Variants in EYS observed in about 807,000 individuals in gnomAD.
EYS encodes the protein protein eyes shut homolog.
EYS carries 250 observed loss-of-function variants against 282.1 expected under a neutral mutation model. The ratio of observed to expected loss-of-function variants is 0.89; its 90% CI spans 0.80 to 0.98. The LOEUF (loss-of-function observed/expected upper bound fraction) is 0.98, where lower values mean the gene tolerates loss of function less well. EYS is among the 50% of genes least tolerant of loss of function. The pLI is 0.00. For synonymous variants in EYS, 1,355 were observed against 1,282.9 expected, an observed-to-expected ratio of 1.06 and a Z score of -1.20; for missense variants, 4,016 against 3,709.0, an observed-to-expected ratio of 1.08 and a Z score of -2.15.
chr6:63,975,085 T>C (rs1032013154), intron 35 of EYS, among the ~76,000 whole-genome samples: 2 of 150,086 alleles, frequency 1.3e-5, no homozygotes, highest in African/African-American at 4.9e-5. Flanking sequence ...CTGGCACTTG[T>C]AGAATGGGGG....
intron 30 of EYS, among the ~76,000 whole-genome samples, chr6:64,295,351 A>G (rs1768889103): frequency 6.8e-5 from 3 of 43,990 alleles, no homozygotes; most frequent in South Asian, 1.7e-3. Context: ...AGAAAGGAAG[A>G]AAGGAAGAAG....
chr6:64,875,603 T>C (rs1766725189), intron 19 of EYS, among the ~76,000 whole-genome samples: 1 of 152,032 alleles, frequency 6.6e-6, no homozygotes. Flanking sequence ...AGAAAGAAAC[T>C]ATGAACAACT....
chr6:65,230,430 T>C (rs1440096031), intron 12 of EYS, among the ~76,000 whole-genome samples: 1 of 151,900 alleles, frequency 6.6e-6, no homozygotes, highest in Non-Finnish European at 1.5e-5. Context: ...TATTCATGCA[T>C]ACAATTAGTT....
chr6:64,288,687 AAAGT>A (rs1429172455), intron 30 of EYS, among the ~76,000 whole-genome samples: 22 of 152,218 alleles, frequency 1.4e-4, no homozygotes, highest in African/African-American at 5.1e-4. Flanking sequence ...ATTTTTAAAT[AAAGT>A]AAGTAGTAGC....
At chr6:64,097,460 C>G (rs913688378) in intron 31 of EYS, among the ~76,000 whole-genome samples, 1 of 152,110 alleles carries the variant, frequency 6.6e-6, no homozygotes, top group Non-Finnish European at 1.5e-5. Context: ...TTGCGGAGGC[C>G]CCTCCCTCAG....
chr6:63,722,354 C>T (rs1768432306), intron 42 of EYS, among the ~76,000 whole-genome samples: 1 of 151,670 alleles, frequency 6.6e-6, no homozygotes, highest in East Asian at 1.9e-4. Context: ...TCAAGTGTCA[C>T]TTCCTCAGAG....
chr6:64,777,871 T>C (rs1773727805), intron 22 of EYS, among the ~76,000 whole-genome samples: 1 of 152,136 alleles, frequency 6.6e-6, no homozygotes, highest in South Asian at 2.1e-4. Context: ...AAGAGTTGTG[T>C]ACATATTCAA....
chr6:65,623,120 T>A (rs1016164712), intron 2 of EYS, among the ~76,000 whole-genome samples: 1 of 152,046 alleles, frequency 6.6e-6, no homozygotes, highest in South Asian at 2.1e-4. Context: ...TTACTTCTAA[T>A]TACAGAATTG....
chr6:64,350,159 T>G (rs1249525469), intron 29 of EYS, among the ~76,000 whole-genome samples: 2 of 151,468 alleles, frequency 1.3e-5, no homozygotes, highest in Admixed American at 1.3e-4. Flanking sequence ...TGATAACATT[T>G]TTTGTCATAC....
At chr6:64,234,980 C>A (rs1040719357) in intron 30 of EYS, among the ~76,000 whole-genome samples, 1 of 151,868 alleles carries the variant, frequency 6.6e-6, no homozygotes, top group African/African-American at 2.4e-5. Context: ...CGGGTTCAAG[C>A]GATTCTCCTG....
chr6:65,403,601 G>T (rs1766601001), intron 6 of EYS, among the ~76,000 whole-genome samples: 1 of 151,634 alleles, frequency 6.6e-6, no homozygotes, highest in Non-Finnish European at 1.5e-5. Flanking sequence ...CTCATACATG[G>T]TAGCAGTACA....
chr6:64,271,943 G>A (rs1296815518), intron 30 of EYS, among the ~76,000 whole-genome samples: 1 of 152,066 alleles, frequency 6.6e-6, no homozygotes, highest in Non-Finnish European at 1.5e-5. Flanking sequence ...GGTTTCAAGC[G>A]ATTCTCCTGC....
chr6:64,777,497 A>G (rs1452200810), intron 22 of EYS, among the ~76,000 whole-genome samples: 2 of 151,980 alleles, frequency 1.3e-5, no homozygotes, highest in Non-Finnish European at 2.9e-5. Context: ...CTTAAATATC[A>G]CCCTCTGACC....
At chr6:65,165,391 C>G (rs1241304525) in intron 12 of EYS, among the ~76,000 whole-genome samples, 1 of 150,456 alleles carries the variant, frequency 6.6e-6, no homozygotes, top group Admixed American at 6.7e-5. Context: ...AGTGTGTCTA[C>G]TTGTAATAAA....
chr6:63,880,207 C>A lies in EYS; in HGVS notation c.7056-15849G>T, dbSNP rs1562075818. Reference sequence around the variant, plus strand: ...AGTCAGTGGGCTGGGGGAGACAGACCCACCCTTAATCTGGTGGGCACCATC... The same window carrying A: ...AGTCAGTGGGCTGGGGGAGACAGACACACCCTTAATCTGGTGGGCACCATC... On this transcript the variant is annotated intron_variant, in intron 35 of 42. Coordinates refer to ENST00000503581, the MANE Select transcript of EYS (RefSeq NM_001142800.2). 3.9e-5 allele frequency among the ~76,000 whole-genome samples: 6 copies of A among 152,016 alleles called. 1 individual carries two copies. The South Asian group carries it at 1.0e-3, about 26-fold the overall frequency.
intron 31 of EYS, among the ~76,000 whole-genome samples, chr6:64,149,151 A>G (rs932348431): frequency 2.0e-5 from 3 of 152,170 alleles, no homozygotes; most frequent in African/African-American, 7.2e-5. Context: ...TGCAGAAATC[A>G]TAACTGGTGA....
intron 22 of EYS, among the ~76,000 whole-genome samples, chr6:64,677,660 T>C (rs1481651568): frequency 6.6e-6 from 1 of 152,186 alleles, no homozygotes; most frequent in African/African-American, 2.4e-5. Flanking sequence ...TGTTGGTTTA[T>C]GAAATAAAAC....
At chr6:64,645,266 C>T (rs1031217910) in intron 22 of EYS, among the ~76,000 whole-genome samples, 7 of 152,098 alleles carry the variant, frequency 4.6e-5, no homozygotes, top group African/African-American at 7.2e-5. Flanking sequence ...GGAGCAGTCT[C>T]GTGTTTGAAT....
chr6:65,248,530 C>A (rs1045201180), intron 12 of EYS, among the ~76,000 whole-genome samples: 4 of 152,016 alleles, frequency 2.6e-5, no homozygotes, highest in Middle Eastern at 3.4e-3. Flanking sequence ...GTTTTGTTTG[C>A]CTAGAGCCTG....
Sources: allele counts gnomAD v4.1 joint callset (sites outside exome capture counted in the v4.1 genomes callset), GRCh38; gene constraint gnomAD v4.1.1; transcripts MANE v1.5; gene names NCBI Gene and HGNC (gene_info 2026-07-23, HGNC 2026-07-21).